The following MYO7A variants were observed in gnomAD, a reference collection of about 807,000 sequenced individuals.
MYO7A encodes myosin VIIA, also known as unconventional myosin-VIIa.
In MYO7A, 210 loss-of-function variants were observed where a neutral mutation model predicts 263.8. That is an observed-to-expected ratio of 0.80 (90% confidence interval 0.71 to 0.89). The LOEUF is 0.89. Among genes scored for constraint, MYO7A ranks in the 40% least tolerant of loss-of-function variants. MYO7A has a pLI of 0.00. For missense variants in MYO7A, 2,820 were observed against 2,968.3 expected (o/e 0.95, Z 1.16); for synonymous variants, 1,239 against 1,197.3 (o/e 1.03, Z -0.72).
rs782034714 is a variant in MYO7A at position 77,174,902 on chromosome 11, G to A, written c.2082G>A (p.Pro694=). 8.1e-6 allele frequency: 13 copies of A among 1,613,654 alleles called. No homozygotes were observed. Among genetic ancestry groups the A allele is most frequent in the East Asian group, 2.2e-5 (1 of 44,880 alleles). The change falls in exon 17 of 49, where the codon CCG becomes CCA. Residue 694 remains proline (P), a synonymous_variant. Coordinates refer to ENST00000409709, the MANE Select transcript of MYO7A (RefSeq NM_000260.4). ...RYRVLLPGVK[P]AYKQGDLRGT... ...GTGTGCTGCTGCCAGGTGTGAAGCC[G>A]GCCTACAAGCAGGTACAGGGCTGAG... is the stretch of plus-strand genomic sequence containing the variant.
Position 77,147,919 on chromosome 11 carries a change from T to C in MYO7A, c.254T>C (p.Leu85Pro), listed in dbSNP as rs1325184426. 1.9e-6 allele frequency: 3 copies of C among 1,566,918 alleles called. No homozygotes were observed. In the Admixed American group the frequency reaches 5.7e-5, roughly 30 times the overall value. Residue 85 changes from leucine to proline, a missense_variant, in exon 4 of 49, where the codon CTG becomes CCG. Physicochemically the swap from Leu to Pro is moderately conservative, Grantham distance 98 (BLOSUM62 -3). Coordinates refer to ENST00000409709, the MANE Select transcript of MYO7A (RefSeq NM_000260.4). Reference protein sequence around the residue: ...DLNEAGILRNLLIRYRDHLIY... With the variant: ...DLNEAGILRNPLIRYRDHLIY... ...AACGAGGCGGGCATCTTGCGCAACCTGCTTATCCGCTACCGGGACCACCTC... is the reference window on the plus strand; with the variant it reads ...AACGAGGCGGGCATCTTGCGCAACCCGCTTATCCGCTACCGGGACCACCTC...
rs1333226991 is a variant in MYO7A, at chr11:77,156,719, C to G, written c.530C>G (p.Ala177Gly). 1.9e-6 allele frequency: 3 copies of G among 1,613,966 alleles called. No individual in the cohort carries two copies. Among genetic ancestry groups the G allele is most frequent in the African/African-American group, 2.7e-5 (2 of 75,038 alleles). ...STKLILQFLA[A>G]ISGQHSWIEQ... The stretch of plus-strand genomic sequence containing the variant: ...AAGCTGATCCTGCAGTTCCTGGCAG[C>G]CATCAGTGGGCAGCACTCGTGGATT... The change falls in exon 6 of 49, where the codon GCC becomes GGC. Residue 177 changes from alanine to glycine, a missense_variant. Ala to Gly is a moderately conservative substitution (Grantham distance 60). Transcript: ENST00000409709.
In MYO7A at chr11:77,162,917, C is replaced by A. The variant is rs782607566; in HGVS notation, c.1619C>A (p.Pro540His). 2.0e-5 allele frequency: 32 copies of A among 1,613,702 alleles called. No homozygotes were observed. The highest frequency in any genetic ancestry group is 5.1e-6 in the Non-Finnish European group (6 of 1,179,868). The change falls in exon 14 of 49, where the codon CCC (proline) becomes CAC (histidine). Residue 540 changes from proline (P) to histidine (H), a missense_variant. Coordinates refer to ENST00000409709, the MANE Select transcript of MYO7A (RefSeq NM_000260.4). ...CACAAGCTCAACGCCAACTACATCC[C>A]CCCCAAGAACAACCATGAGACCCAG... Reference protein sequence around the residue: ...SQHKLNANYIPPKNNHETQFG... With the variant: ...SQHKLNANYIHPKNNHETQFG...
intron 41 of MYO7A, 33 bp downstream of exon 41, chr11:77,206,235 C>A: frequency 6.5e-7 from 1 of 1,547,646 alleles, no homozygotes; most frequent in Non-Finnish European, 8.9e-7. Context: ...TCTGCAGTGC[C>A]CAGGACAGGG....
chr11:77,133,409 A>T (rs542553000), intron 2 of MYO7A, among the ~76,000 whole-genome samples: 13 of 152,188 alleles, frequency 8.5e-5, no homozygotes, highest in Non-Finnish European at 1.3e-4. Context: ...GGGAGGTTTG[A>T]AGATAAATTT....
chr11:77,154,195 C>T (rs1417663919), intron 4 of MYO7A, among the ~76,000 whole-genome samples: 1 of 152,206 alleles, frequency 6.6e-6, no homozygotes, highest in Non-Finnish European at 1.5e-5. Flanking sequence ...TTACAACAGC[C>T]AAGGGAGGTG....
chr11:77,130,639 T>C lies in MYO7A; in HGVS notation c.5T>C (p.Val2Ala). The change falls in exon 2 of 49, where the codon GTG (valine) becomes GCG (alanine). Residue 2 changes from valine to alanine, a missense_variant. Val to Ala is a moderately conservative substitution (Grantham distance 64). Transcript: ENST00000409709. ...AGGAGCTCCTGACTTGGGACCATGG[T>C]GATTCTTCAGCAGGTCAGTGTTCCC... M[V>A]ILQQGDHVWM... The C allele has an allele frequency of 6.2e-7, 1 of 1,613,296 alleles. No homozygotes were observed.
intron 16 of MYO7A, 117 bp downstream of exon 16, chr11:77,173,002 G>C (rs1954269802): frequency 7.2e-7 from 1 of 1,388,982 alleles, no homozygotes. Flanking sequence ...TTGGGGAATG[G>C]GGGGCACCCC....
In MYO7A at chr11:77,161,536, C is replaced by T. The variant is rs1486097775; in HGVS notation, c.1343+421C>T. Among the ~76,000 whole-genome samples, 8 of 152,318 alleles carry T rather than the reference C, an allele frequency of 5.3e-5. 1 individual carries two copies. The highest frequency in any genetic ancestry group is 4.1e-4 in the South Asian group (2 of 4,828). ...ACTGATGGGTGGTGTCACATACAGG[C>T]GGGTCCTGGAGCCCCACTTCCTGCT... is the stretch of plus-strand genomic sequence containing the variant. On this transcript the variant is annotated intron_variant, in intron 12 of 48. Transcript: ENST00000409709.
chr11:77,199,324 C>T (rs552479259), intron 34 of MYO7A, among the ~76,000 whole-genome samples: 108 of 152,220 alleles, frequency 7.1e-4, no homozygotes, highest in African/African-American at 2.5e-3. Context: ...GGAGGACTTC[C>T]TGGAGGAAGT....
intron 15 of MYO7A, among the ~76,000 whole-genome samples, chr11:77,167,347 C>G (rs1027398087): frequency 6.6e-6 from 1 of 152,080 alleles, no homozygotes; most frequent in Non-Finnish European, 1.5e-5. Context: ...CCCTGGTGGG[C>G]GCCTATGGCC....
chr11:77,161,896 G>A (rs1953033585), intron 12 of MYO7A, among the ~76,000 whole-genome samples: 1 of 152,158 alleles, frequency 6.6e-6, no homozygotes. Context: ...TCTCCTTCTG[G>A]CTCACAGAGT....
intron 2 of MYO7A, among the ~76,000 whole-genome samples, chr11:77,131,914 A>G (rs1324732836): frequency 3.3e-5 from 5 of 152,206 alleles, no homozygotes; most frequent in African/African-American, 9.6e-5. Context: ...AGGCTTTGCT[A>G]TTGATGAGTG....
chr11:77,202,257 C>A, intron 36 of MYO7A, 43 bp from the exon 37 acceptor site: 7 of 1,542,716 alleles, frequency 4.5e-6, no homozygotes, highest in Non-Finnish European at 6.1e-6. Context: ...CTGGTGGCCA[C>A]AGGTAGAGAG....
intron 16 of MYO7A, among the ~76,000 whole-genome samples, chr11:77,174,084 C>G (rs1555078376): frequency 6.6e-6 from 1 of 152,082 alleles, no homozygotes; most frequent in Non-Finnish European, 1.5e-5. Flanking sequence ...CCCAGTCTCT[C>G]CCTGCTCTAA....
At chr11:77,130,271 A>G (rs1293602664) in intron 1 of MYO7A, among the ~76,000 whole-genome samples, 2 of 152,266 alleles carry the variant, frequency 1.3e-5, no homozygotes, top group African/African-American at 4.8e-5. Flanking sequence ...ACCCTGGGCA[A>G]GTCTTGGTCC....
chr11:77,199,697 G>A lies in MYO7A; in HGVS notation c.4731G>A (p.Gly1577=), dbSNP rs1051082265. 11 of 1,613,672 alleles carry A rather than the reference G, an allele frequency of 6.8e-6. No individual in the cohort carries two copies. The highest frequency in any genetic ancestry group is 8.5e-6 in the Non-Finnish European group (10 of 1,179,858). ...GCTTCACGCTGGCCACCATCAAGGGGGACGAATACACCTTCACCTCCAGCA... is the reference window on the plus strand; with the variant it reads ...GCTTCACGCTGGCCACCATCAAGGGAGACGAATACACCTTCACCTCCAGCA... The part of the protein sequence containing the change: ...APSFTLATIK[G]DEYTFTSSNA... The change falls in exon 35 of 49, where the codon GGG becomes GGA. Residue 1577 remains glycine (G), a synonymous_variant. Transcript: ENST00000409709.
intron 25 of MYO7A, 100 bp from the exon 26 acceptor site, chr11:77,182,968 C>T: frequency 1.9e-6 from 2 of 1,033,706 alleles, no homozygotes; most frequent in Non-Finnish European, 2.9e-6. Flanking sequence ...CTGTAAGCTT[C>T]ACGTGGAAGC....
chr11:77,194,589 C>A lies in MYO7A; in HGVS notation c.4323+65C>A, dbSNP rs553350267. 26 of 1,487,326 alleles carry A rather than the reference C, an allele frequency of 1.7e-5. No individual in the cohort carries two copies. In the African/African-American group the frequency reaches 3.5e-4, roughly 20 times the overall value. The allele number at this position is 1,487,326 out of a possible 1,614,324, so 92.1% of individuals were successfully genotyped here. A position where few individuals can be genotyped will look rare whatever the true frequency, so the allele number is the denominator to read the frequency against. Reference sequence around the variant, plus strand: ...CCTGAACAACCAAGGAGGTCCCAGGCCTCATCTGAACCTCTCTGTTGGGGC... The same window carrying A: ...CCTGAACAACCAAGGAGGTCCCAGGACTCATCTGAACCTCTCTGTTGGGGC... On this transcript the variant is annotated intron_variant, in intron 32 of 48. Transcript: ENST00000409709.
Sources: gnomAD v4.1 joint callset for allele counts (sites outside exome capture counted in the v4.1 genomes callset) on GRCh38, gnomAD v4.1.1 for gene constraint, MANE v1.5 for transcripts, NCBI Gene and HGNC (gene_info 2026-07-23, HGNC 2026-07-21) for gene names.